The following TIAM1 variants were observed in gnomAD, a reference collection of about 807,000 sequenced individuals.
TIAM1 encodes rho guanine nucleotide exchange factor TIAM1.
TIAM1 carries 65 observed loss-of-function variants against 163.5 expected under a neutral mutation model. The ratio of observed to expected loss-of-function variants is 0.40; its 90% CI spans 0.33 to 0.49. TIAM1 has a LOEUF of 0.49. Ranked by LOEUF, TIAM1 falls within the 20% of genes least tolerant of loss-of-function variation. The pLI, the probability that TIAM1 is intolerant of heterozygous loss-of-function variation, is 0.77. For missense variants in TIAM1, 1,789 were observed against 2,044.7 expected (o/e 0.87, Z 2.41); for synonymous variants, 833 against 810.1 (o/e 1.03, Z -0.48).
intron 2 of TIAM1, among the ~76,000 whole-genome samples, chr21:31,421,805 C>T (rs980333920): frequency 6.6e-6 from 1 of 152,006 alleles, no homozygotes; most frequent in African/African-American, 2.4e-5. Flanking sequence ...GCCTGAGCAA[C>T]ACAGTGAGAC....
At chr21:31,555,789 TGCAGAAATC>T (rs2048855597) in intron 1 of TIAM1, among the ~76,000 whole-genome samples, 1 of 152,156 alleles carries the variant, frequency 6.6e-6, no homozygotes. Context: ...GTATGATCCT[TGCAGAAATC>T]GCAGAAGTGT....
intron 5 of TIAM1, among the ~76,000 whole-genome samples, chr21:31,248,279 G>A (rs952696437): frequency 2.8e-4 from 43 of 152,170 alleles, no homozygotes; most frequent in Admixed American, 2.6e-3. Context: ...CCTAACACAC[G>A]CACCTAGTGA....
chr21:31,121,814 A>G (rs1390325101), intron 27 of TIAM1, among the ~76,000 whole-genome samples: 1 of 152,220 alleles, frequency 6.6e-6, no homozygotes, highest in Non-Finnish European at 1.5e-5. Context: ...GATCAAGCCA[A>G]CAATCCCACC....
chr21:31,338,960 CAA>C, intron 2 of TIAM1, among the ~76,000 whole-genome samples: 1 of 152,070 alleles, frequency 6.6e-6, no homozygotes, highest in Non-Finnish European at 1.5e-5. Flanking sequence ...TGGGGGCAGA[CAA>C]AAGAGAAGTC....
At chr21:31,296,916 G>A (rs1203974024) in intron 2 of TIAM1, among the ~76,000 whole-genome samples, 1 of 152,108 alleles carries the variant, frequency 6.6e-6, no homozygotes, top group African/African-American at 2.4e-5. Flanking sequence ...GCCCGCCTTG[G>A]CCTCCCAAAA....
intron 1 of TIAM1, among the ~76,000 whole-genome samples, chr21:31,510,086 G>A (rs1309489862): frequency 6.6e-6 from 1 of 152,168 alleles, no homozygotes; most frequent in Non-Finnish European, 1.5e-5. Context: ...CTAACCCGGG[G>A]TACCCGTAAA....
chr21:31,178,436 A>G (rs1351011300), intron 15 of TIAM1, among the ~76,000 whole-genome samples: 1 of 148,502 alleles, frequency 6.7e-6, no homozygotes, highest in Non-Finnish European at 1.5e-5. Flanking sequence ...TCTGCCGAGT[A>G]GCTGGGACTA....
chr21:31,390,012 T>C (rs1248609123), intron 2 of TIAM1, among the ~76,000 whole-genome samples: 1 of 152,170 alleles, frequency 6.6e-6, no homozygotes, highest in Non-Finnish European at 1.5e-5. Context: ...TATGGCTTCC[T>C]CATTTTAAAG....
intron 1 of TIAM1, among the ~76,000 whole-genome samples, chr21:31,508,937 T>C (rs1350595054): frequency 6.6e-6 from 1 of 152,148 alleles, no homozygotes; most frequent in Non-Finnish European, 1.5e-5. Context: ...CAAACTGGGC[T>C]GTGCTACGAA....
chr21:31,137,852 C>T (rs1214602165), intron 22 of TIAM1, among the ~76,000 whole-genome samples: 2 of 149,968 alleles, frequency 1.3e-5, no homozygotes, highest in African/African-American at 4.9e-5. Flanking sequence ...CCAAGAGAAA[C>T]CAAACCTTGG....
intron 5 of TIAM1, 138 bp from the exon 6 acceptor site, chr21:31,245,798 G>T: frequency 1.2e-6 from 1 of 820,820 alleles, no homozygotes; most frequent in Non-Finnish European, 1.6e-6. Context: ...AGAGAATGGA[G>T]CCAGGCTTGG....
chr21:31,305,111 G>T (rs563312288), intron 2 of TIAM1, among the ~76,000 whole-genome samples: 1 of 152,208 alleles, frequency 6.6e-6, no homozygotes, highest in South Asian at 2.1e-4. Context: ...AAAATAAATG[G>T]TAAAAATTTA....
intron 1 of TIAM1, among the ~76,000 whole-genome samples, chr21:31,468,787 A>C (rs747803724): frequency 2.6e-5 from 4 of 151,958 alleles, no homozygotes; most frequent in Non-Finnish European, 2.9e-5. Flanking sequence ...AAAAAAACGA[A>C]CCTAGAAGGG....
chr21:31,191,882 A>G (rs937714377), intron 13 of TIAM1, among the ~76,000 whole-genome samples: 6 of 152,216 alleles, frequency 3.9e-5, no homozygotes, highest in Non-Finnish European at 5.9e-5. Flanking sequence ...AGAGTCCAAG[A>G]GCTTTGAAAT....
chr21:31,387,994 C>T (rs1216273529), intron 2 of TIAM1, among the ~76,000 whole-genome samples: 1 of 151,986 alleles, frequency 6.6e-6, no homozygotes, highest in East Asian at 1.9e-4. Context: ...GTGTGTGGCA[C>T]CTTCTCTCAC....
chr21:31,385,481 G>A (rs1367501850), intron 2 of TIAM1, among the ~76,000 whole-genome samples: 2 of 152,084 alleles, frequency 1.3e-5, no homozygotes, highest in Admixed American at 6.6e-5. Flanking sequence ...GATGCAGGGA[G>A]AGCCTGAGAG....
intron 12 of TIAM1, among the ~76,000 whole-genome samples, chr21:31,199,369 G>T (rs2833332): frequency 0.17 from 26,445 of 151,540 alleles, 3,387 homozygotes; most frequent in East Asian, 0.39. Flanking sequence ...TGGCACTTAG[G>T]CTCTACATGG....
At chr21:31,152,897 T>C (rs1475912073) in intron 18 of TIAM1, 136 bp from the exon 19 acceptor site, 22 of 1,351,956 alleles carry the variant, frequency 1.6e-5, no homozygotes, top group Non-Finnish European at 2.1e-5. Context: ...GCGGGGCAGT[T>C]TTTTACTCTT....
intron 1 of TIAM1, among the ~76,000 whole-genome samples, chr21:31,542,288 G>C (rs1209625218): frequency 1.3e-5 from 2 of 148,432 alleles, no homozygotes; most frequent in Non-Finnish European, 2.9e-5. Context: ...TTAGCCGGGC[G>C]TGGTGGTGTG....
Sources: gnomAD v4.1 joint callset for allele counts (sites outside exome capture counted in the v4.1 genomes callset) on GRCh38, gnomAD v4.1.1 for gene constraint, MANE v1.5 for transcripts, NCBI Gene and HGNC (gene_info 2026-07-23, HGNC 2026-07-21) for gene names.